ROBO1: variants seen among roughly 807,000 people sequenced by gnomAD.
ROBO1 encodes roundabout homolog 1.
In ROBO1, 149 loss-of-function variants were observed where a neutral mutation model predicts 195.9. That is an observed-to-expected ratio of 0.76 (90% CI 0.67 to 0.87). The LOEUF (loss-of-function observed/expected upper bound fraction) is 0.87, where lower values mean the gene tolerates loss of function less well. Ranked by LOEUF, ROBO1 falls within the 40% of genes least tolerant of loss-of-function variation. The pLI is 0.00. For synonymous variants in ROBO1, 816 were observed against 733.2 expected, an observed-to-expected ratio of 1.11 and a Z score of -1.82; for missense variants, 1,933 against 2,068.3, an observed-to-expected ratio of 0.93 and a Z score of 1.27.
chr3:79,617,918 T>A, intron 1 of ROBO1, among the ~76,000 whole-genome samples: 1 of 29,546 alleles, frequency 3.4e-5, no homozygotes, highest in Non-Finnish European at 6.2e-5. Flanking sequence ...TAAAGAGATA[T>A]ATTAAAAAAA....
rs141178745 is a variant in ROBO1 at position 78,668,021 on chromosome 3, C to T, written c.1828G>A (p.Val610Ile). ...GTTTCTGTTTTCACATTCTCTGCTA[C>T]GGTCTGCCAGCTGCTACCAGATGCA... ...SHASGSSWQT[V>I]AENVKTETSA... The change falls in exon 14 of 31, where the codon GTA becomes ATA. Residue 610 changes from valine to isoleucine, a missense_variant. Coordinates refer to ENST00000464233, the MANE Select transcript of ROBO1 (RefSeq NM_002941.4). 1,143 of 1,613,546 alleles carry T rather than the reference C, an allele frequency of 7.1e-4. 2 individuals are homozygous for T. Among genetic ancestry groups the T allele is most frequent in the Non-Finnish European group, 8.6e-4 (1,012 of 1,179,700 alleles).
At chr3:79,269,639 A>G (rs2030334343) in intron 2 of ROBO1, among the ~76,000 whole-genome samples, 1 of 151,770 alleles carries the variant, frequency 6.6e-6, no homozygotes, top group South Asian at 2.1e-4. Context: ...TCAAGATTTT[A>G]CTGAAAATTA....
At chr3:78,910,862 G>C (rs186826906) in intron 4 of ROBO1, among the ~76,000 whole-genome samples, 1 of 152,086 alleles carries the variant, frequency 6.6e-6, no homozygotes, top group East Asian at 1.9e-4. Flanking sequence ...TGTGTTCTCT[G>C]AACCAGCTAC....
At chr3:79,415,956 C>A (rs1424987960) in intron 2 of ROBO1, among the ~76,000 whole-genome samples, 1 of 151,866 alleles carries the variant, frequency 6.6e-6, no homozygotes, top group Non-Finnish European at 1.5e-5. Flanking sequence ...ATTTGGAGAT[C>A]AAGGATGAAA....
chr3:78,623,090 C>A (rs1261843004), intron 26 of ROBO1, among the ~76,000 whole-genome samples: 1 of 152,128 alleles, frequency 6.6e-6, no homozygotes, highest in East Asian at 1.9e-4. Context: ...GAAACAGGAA[C>A]TCGGGCACTA....
chr3:79,106,602 C>G (rs1237966097), intron 3 of ROBO1, among the ~76,000 whole-genome samples: 2 of 151,338 alleles, frequency 1.3e-5, no homozygotes, highest in Non-Finnish European at 1.5e-5. Flanking sequence ...TTGCAAACAC[C>G]TAAAGTTTCA....
intron 2 of ROBO1, among the ~76,000 whole-genome samples, chr3:79,164,233 G>C (rs2081023419): frequency 1.3e-5 from 2 of 152,102 alleles, no homozygotes; most frequent in Non-Finnish European, 2.9e-5. Flanking sequence ...AACTCAACAA[G>C]AGTCCCTACA....
chr3:78,659,923 T>C, intron 16 of ROBO1, 116 bp from the exon 17 acceptor site: 1 of 90,064 alleles, frequency 1.1e-5, no homozygotes, highest in Non-Finnish European at 1.6e-5. Context: ...ATATGCTTTT[T>C]TTTTTTTTTT....
rs1429426319 is a variant in ROBO1, at chr3:79,713,076, AC to A, written c.-51+54675del. Among the ~76,000 whole-genome samples the A allele has an allele frequency of 5.3e-5, 6 of 113,276 alleles. No individual in the cohort carries two copies. In the East Asian group the frequency reaches 1.3e-3, roughly 24 times the overall value. The allele number at this position is 113,276 out of a possible 152,430, so 74.3% of individuals were successfully genotyped here. On this transcript the variant is annotated intron_variant, in intron 1 of 30. Transcript: ENST00000464233. ...TTTCTCCTAATGCTATCCCTCCCCCACCCCCCACTTGAGTATTTTAAGACCA... is the reference window on the plus strand; with the variant it reads ...TTTCTCCTAATGCTATCCCTCCCCCACCCCCACTTGAGTATTTTAAGACCA...
intron 8 of ROBO1, among the ~76,000 whole-genome samples, chr3:78,699,909 A>C (rs538581788): frequency 1.6e-4 from 24 of 152,122 alleles, no homozygotes; most frequent in Non-Finnish European, 3.1e-4. Flanking sequence ...TTACTTTTTC[A>C]AGAAATTATC....
At chr3:79,308,612 C>T (rs562172264) in intron 2 of ROBO1, among the ~76,000 whole-genome samples, 6 of 152,004 alleles carry the variant, frequency 3.9e-5, no homozygotes, top group South Asian at 2.1e-4. Context: ...AAAAAGAAAG[C>T]GGGGTCAGGC....
intron 2 of ROBO1, among the ~76,000 whole-genome samples, chr3:79,456,012 G>A (rs1179211992): frequency 6.6e-6 from 1 of 152,014 alleles, no homozygotes; most frequent in African/African-American, 2.4e-5. Flanking sequence ...CCTCTGGTTG[G>A]TATTAAGCTT....
chr3:78,811,642 T>A (rs1248582480), intron 4 of ROBO1, among the ~76,000 whole-genome samples: 1 of 152,068 alleles, frequency 6.6e-6, no homozygotes, highest in Admixed American at 6.6e-5. Context: ...TGACCTCCCA[T>A]AACACTCTAT....
intron 2 of ROBO1, among the ~76,000 whole-genome samples, chr3:79,269,755 T>A (rs1407482797): frequency 6.6e-6 from 1 of 151,728 alleles, no homozygotes; most frequent in Non-Finnish European, 1.5e-5. Flanking sequence ...TACTGAGGAA[T>A]ATGAGCTGCA....
intron 1 of ROBO1, among the ~76,000 whole-genome samples, chr3:79,688,793 T>G (rs929840465): frequency 2.6e-5 from 4 of 152,042 alleles, no homozygotes; most frequent in Non-Finnish European, 2.9e-5. Flanking sequence ...TCAATGGTTA[T>G]TTCTATTTAC....
intron 2 of ROBO1, among the ~76,000 whole-genome samples, chr3:79,301,024 G>T (rs2032918116): frequency 6.6e-6 from 1 of 152,064 alleles, no homozygotes; most frequent in Non-Finnish European, 1.5e-5. Flanking sequence ...AATAAAAGCA[G>T]GCTGCCCGAG....
chr3:79,371,527 A>G (rs1470186787), intron 2 of ROBO1, among the ~76,000 whole-genome samples: 1 of 152,190 alleles, frequency 6.6e-6, no homozygotes, highest in African/African-American at 2.4e-5. Context: ...TAGAAAATAT[A>G]AAACTGGCTG....
At chr3:79,275,717 C>A (rs567196816) in intron 2 of ROBO1, among the ~76,000 whole-genome samples, 1 of 151,872 alleles carries the variant, frequency 6.6e-6, no homozygotes, top group African/African-American at 2.4e-5. Flanking sequence ...AATATGATCT[C>A]ATATTTGGAA....
intron 10 of ROBO1, among the ~76,000 whole-genome samples, chr3:78,677,454 G>A (rs1394087944): frequency 6.6e-6 from 1 of 151,928 alleles, no homozygotes. Flanking sequence ...ACACACACAG[G>A]CTCAAAATAA....
Sources: gnomAD v4.1 joint callset for allele counts (sites outside exome capture counted in the v4.1 genomes callset) on GRCh38, gnomAD v4.1.1 for gene constraint, MANE v1.5 for transcripts, NCBI Gene and HGNC (gene_info 2026-07-23, HGNC 2026-07-21) for gene names.